Variants in GPR176 observed in about 807,000 individuals in gnomAD.
GPR176 encodes G-protein coupled receptor 176.
Under a neutral mutation model 35.4 loss-of-function variants are expected in GPR176, and 26 were observed. The ratio of observed to expected loss-of-function variants is 0.74; its 90% confidence interval spans 0.54 to 1.02. The LOEUF (loss-of-function observed/expected upper bound fraction) is 1.02, where lower values mean the gene tolerates loss of function less well. GPR176 is among the 50% of genes least tolerant of loss of function. The pLI is 0.00. For synonymous variants in GPR176, 278 were observed against 271.3 expected (o/e 1.02, Z -0.24); for missense variants, 597 against 665.3 (o/e 0.90, Z 1.13).
intron 1 of GPR176, among the ~76,000 whole-genome samples, chr15:39,899,552 G>A (rs1441879845): frequency 6.6e-6 from 1 of 152,196 alleles, no homozygotes; most frequent in Non-Finnish European, 1.5e-5. Flanking sequence ...GAAGCCTGGA[G>A]ACAAGGAAAA....
rs374751154 is a variant in GPR176 at position 39,898,505 on chromosome 15, A to AG, written c.172+21349dup. ...GTGAAAGGAACAGCTGAAGAATGAG[A>AG]GGAGATAGCCAGTGAACAAAGCAGA... On this transcript the variant is annotated intron_variant, in intron 1 of 2. Coordinates refer to ENST00000561100, the MANE Select transcript of GPR176 (RefSeq NM_007223.3). Among the ~76,000 whole-genome samples the AG allele has an allele frequency of 2.6e-3, 402 of 152,386 alleles. 3 individuals carry two copies. The highest frequency in any genetic ancestry group is 8.9e-3 in the African/African-American group (369 of 41,594).
At chr15:39,891,575 A>C (rs1409069172) in intron 1 of GPR176, among the ~76,000 whole-genome samples, 1 of 152,222 alleles carries the variant, frequency 6.6e-6, no homozygotes, top group East Asian at 1.9e-4. Context: ...CCTGGCCTCA[A>C]GTGATCCTGC....
intron 1 of GPR176, among the ~76,000 whole-genome samples, chr15:39,912,721 T>A (rs1200554139): frequency 6.6e-6 from 1 of 152,032 alleles, no homozygotes; most frequent in African/African-American, 2.4e-5. Flanking sequence ...TTAAGTGACA[T>A]ATGCAGAAAT....
intron 1 of GPR176, among the ~76,000 whole-genome samples, chr15:39,888,201 T>C (rs1223853949): frequency 6.6e-6 from 1 of 152,198 alleles, no homozygotes; most frequent in Non-Finnish European, 1.5e-5. Flanking sequence ...ATCTCCCATA[T>C]ACATATAACA....
chr15:39,861,349 A>G (rs1332055040), intron 1 of GPR176, among the ~76,000 whole-genome samples: 1 of 152,112 alleles, frequency 6.6e-6, no homozygotes, highest in African/African-American at 2.4e-5. Context: ...CAAGAGATCG[A>G]GACCACCCTG....
At position 39,804,632 on chromosome 15, in the gene GPR176, A is replaced by G. The variant is rs567165849; in HGVS notation, c.425+2374T>C. 2.1e-3 allele frequency among the ~76,000 whole-genome samples: 318 copies of G among 152,134 alleles called. 1 individual carries two copies. Among genetic ancestry groups the G allele is most frequent in the South Asian group, 0.014 (65 of 4,812 alleles). On this transcript the variant is annotated intron_variant, in intron 2 of 2. Coordinates refer to ENST00000561100, the MANE Select transcript of GPR176 (RefSeq NM_007223.3). ...GAGTCTTATTTAAAAAAAAAAAAAA[A>G]CTTTCAGGATTCATAGCAGCATTAC...
At chr15:39,884,358 TAA>T (rs35329238) in intron 1 of GPR176, among the ~76,000 whole-genome samples, 4,860 of 152,292 alleles carry the variant, frequency 0.032, 290 homozygotes, top group African/African-American at 0.11. Flanking sequence ...CAACTCTATG[TAA>T]TAAGCTAAAC....
chr15:39,802,251 G>C lies in GPR176; in HGVS notation c.429C>G (p.Tyr143Ter). 1 of 1,581,862 alleles carries C rather than the reference G, an allele frequency of 6.3e-7. No homozygotes were observed. Residue 143 changes from tyrosine (Y) to a stop codon, truncating the protein, a stop_gained, in exon 3 of 3, where the codon TAC becomes TAG. Transcript: ENST00000561100. LOFTEE classifies it high-confidence loss of function. ...TCTCCAGTGGATAGAGGACTGAGTA[G>C]TACCTGCAAGATACACAAACAAAAT... ...LSFPAIALDRYYSVLYPLERK... is the reference protein window; with the variant it reads ...LSFPAIALDR
At chr15:39,820,089 T>A (rs953986161) in intron 1 of GPR176, among the ~76,000 whole-genome samples, 24 of 152,148 alleles carry the variant, frequency 1.6e-4, no homozygotes, top group Non-Finnish European at 2.6e-4. Flanking sequence ...CTGAGGAGGT[T>A]AAATTGCTCT....
At chr15:39,905,299 T>C (rs1296947202) in intron 1 of GPR176, among the ~76,000 whole-genome samples, 1 of 152,138 alleles carries the variant, frequency 6.6e-6, no homozygotes, top group African/African-American at 2.4e-5. Context: ...GTTACAGGGT[T>C]GTCATGCTTT....
At chr15:39,899,967 T>C (rs2033227589) in intron 1 of GPR176, among the ~76,000 whole-genome samples, 1 of 152,148 alleles carries the variant, frequency 6.6e-6, no homozygotes, top group Non-Finnish European at 1.5e-5. Context: ...CGTTAAACTC[T>C]TTTTTAAAAA....
chr15:39,809,349 T>G (rs1412259121), intron 1 of GPR176, among the ~76,000 whole-genome samples: 1 of 152,146 alleles, frequency 6.6e-6, no homozygotes, highest in Non-Finnish European at 1.5e-5. Flanking sequence ...CCATACCCAA[T>G]ACCCATTTGG....
At chr15:39,885,082 C>A (rs1008004080) in intron 1 of GPR176, among the ~76,000 whole-genome samples, 1 of 152,098 alleles carries the variant, frequency 6.6e-6, no homozygotes, top group Non-Finnish European at 1.5e-5. Flanking sequence ...TCTAAGTTCC[C>A]GATCGTTTGC....
chr15:39,829,025 T>C, intron 1 of GPR176: 2 of 715,804 alleles, frequency 2.8e-6, no homozygotes, highest in South Asian at 1.5e-5. Flanking sequence ...ATGAGTTAGG[T>C]ACTATTCTAT....
intron 1 of GPR176, among the ~76,000 whole-genome samples, chr15:39,861,828 A>G (rs2031604976): frequency 6.6e-6 from 1 of 152,252 alleles, no homozygotes; most frequent in African/African-American, 2.4e-5. Flanking sequence ...CAAAGAAAGC[A>G]GTAGCTGCAC....
At chr15:39,811,263 A>G (rs1299707947) in intron 1 of GPR176, among the ~76,000 whole-genome samples, 2 of 152,074 alleles carry the variant, frequency 1.3e-5, no homozygotes, top group African/African-American at 2.4e-5. Flanking sequence ...TCCTGGGTGC[A>G]AGTAATCTTC....
At chr15:39,898,850 CT>C (rs1566967157) in intron 1 of GPR176, among the ~76,000 whole-genome samples, 1 of 152,100 alleles carries the variant, frequency 6.6e-6, no homozygotes, top group Non-Finnish European at 1.5e-5. Flanking sequence ...AAAGAAAGCA[CT>C]GTGTGGGTGG....
intron 1 of GPR176, among the ~76,000 whole-genome samples, chr15:39,883,084 T>A (rs1202981983): frequency 6.6e-6 from 1 of 152,116 alleles, no homozygotes; most frequent in Non-Finnish European, 1.5e-5. Context: ...GTAGACTTCG[T>A]ACGTGATGAA....
intron 1 of GPR176, among the ~76,000 whole-genome samples, chr15:39,878,994 G>A (rs1566960457): frequency 6.6e-6 from 1 of 152,214 alleles, no homozygotes; most frequent in Non-Finnish European, 1.5e-5. Context: ...GTATGTATAT[G>A]TGGCTAGGCC....
Sources: allele counts gnomAD v4.1 joint callset (sites outside exome capture counted in the v4.1 genomes callset), GRCh38; gene constraint gnomAD v4.1.1; transcripts MANE v1.5; gene names NCBI Gene and HGNC (gene_info 2026-07-23, HGNC 2026-07-21).